HACL2: variants seen among roughly 807,000 people sequenced by gnomAD.
HACL2 encodes 2-hydroxyacyl-CoA lyase 2.
the HACL2 span, among the ~76,000 whole-genome samples, chr19:15,120,271 T>G: frequency 6.6e-6 from 1 of 152,110 alleles, no homozygotes; most frequent in African/African-American, 2.4e-5. Flanking sequence ...TTGCCCTCGG[T>G]AGCCTCTGGG....
chr19:15,119,474 A>G, the HACL2 span: 5 of 1,614,112 alleles, frequency 3.1e-6, no homozygotes, highest in Non-Finnish European at 4.2e-6. Flanking sequence ...GCACCATCAG[A>G]GGCCTCTTGG....
At chr19:15,124,844 A>G in the HACL2 span, 4 of 1,525,402 alleles carry the variant, frequency 2.6e-6, no homozygotes, top group Admixed American at 2.0e-5. Context: ...CACCCTGCAC[A>G]ATGAGTGAGC....
chr19:15,122,464 T>G, the HACL2 span, among the ~76,000 whole-genome samples: 1 of 152,096 alleles, frequency 6.6e-6, no homozygotes, highest in Non-Finnish European at 1.5e-5. The surrounding 1 kb of genome is among the most constrained non-coding windows in gnomAD (Gnocchi z 4.0). Flanking sequence ...AGGGCTGTCC[T>G]GAGCCTCTCC....
chr19:15,115,275 G>A, the HACL2 span: 34 of 1,614,024 alleles, frequency 2.1e-5, no homozygotes, highest in Admixed American at 3.3e-5. Context: ...GAGCCATCGC[G>A]GAAGTCCGTC....
At chr19:15,125,146 G>C in the HACL2 span, 1 of 1,364,344 alleles carries the variant, frequency 7.3e-7, no homozygotes, top group Non-Finnish European at 9.8e-7. Context: ...CCTTCTCGCA[G>C]CAGGATCCAG....
the HACL2 span, among the ~76,000 whole-genome samples, chr19:15,121,966 T>C: frequency 6.7e-6 from 1 of 148,484 alleles, no homozygotes; most frequent in Non-Finnish European, 1.5e-5. Flanking sequence ...AGCACGATCT[T>C]GGCTCACTGC....
the HACL2 span, chr19:15,115,313 G>A: frequency 8.7e-6 from 14 of 1,614,062 alleles, no homozygotes; most frequent in Middle Eastern, 1.6e-4. Context: ...GACCACAACC[G>A]GGTGGCCGTC....
chr19:15,120,851 G>A, the HACL2 span, among the ~76,000 whole-genome samples: 9 of 152,294 alleles, frequency 5.9e-5, no homozygotes, highest in East Asian at 1.9e-4. Context: ...AGGATTGCTC[G>A]AGGCCAGGAG....
the HACL2 span, chr19:15,122,849 C>A: frequency 6.2e-7 from 1 of 1,613,328 alleles, no homozygotes; most frequent in South Asian, 1.1e-5. The surrounding 1 kb of genome is among the most constrained non-coding windows in gnomAD (Gnocchi z 4.0). Context: ...TGTCCCCAGC[C>A]CCTCGGCCCC....
the HACL2 span, chr19:15,124,097 G>C: frequency 6.3e-6 from 1 of 159,056 alleles, no homozygotes; most frequent in African/African-American, 2.4e-5. Context: ...TTAGTTGACA[G>C]GCTGCCAGCC....
chr19:15,122,995 G>A, the HACL2 span: 1 of 1,603,426 alleles, frequency 6.2e-7, no homozygotes, highest in South Asian at 1.1e-5. This position sits in a 1 kb window ranked among gnomAD's most constrained non-coding sequence, Gnocchi z 4.0. Context: ...GCCGGAAAAG[G>A]GACAGCTGAT....
the HACL2 span, chr19:15,115,478 C>A: frequency 6.2e-7 from 1 of 1,603,188 alleles, no homozygotes; most frequent in East Asian, 2.2e-5. Context: ...CAGCCCACCG[C>A]ACATGCAGCC....
chr19:15,122,746 CT>C, the HACL2 span: 8 of 1,614,058 alleles, frequency 5.0e-6, no homozygotes, highest in African/African-American at 1.3e-5. This position sits in a 1 kb window ranked among gnomAD's most constrained non-coding sequence, Gnocchi z 4.0. Flanking sequence ...GCACCATCTC[CT>C]TCTGGACCAT....
chr19:15,118,254 T>A, the HACL2 span, among the ~76,000 whole-genome samples: 26 of 152,058 alleles, frequency 1.7e-4, no homozygotes, highest in Non-Finnish European at 7.4e-5. Flanking sequence ...GGCCATAATA[T>A]CTCCCACCCT....
the HACL2 span, chr19:15,117,713 A>G: frequency 6.5e-6 from 4 of 617,360 alleles, no homozygotes; most frequent in African/African-American, 7.3e-5. Context: ...TAAAGAAAGA[A>G]GCATTCATCA....
the HACL2 span, chr19:15,122,802 G>A: frequency 6.2e-7 from 1 of 1,614,074 alleles, no homozygotes. This position sits in a 1 kb window ranked among gnomAD's most constrained non-coding sequence, Gnocchi z 4.0. Flanking sequence ...ACAAACACCG[G>A]ACCTGCAGGG....
the HACL2 span, chr19:15,123,596 G>A: frequency 4.6e-5 from 74 of 1,601,500 alleles, no homozygotes; most frequent in Non-Finnish European, 6.2e-5. This position sits in a 1 kb window ranked among gnomAD's most constrained non-coding sequence, Gnocchi z 5.1. Context: ...AGGACAGGTG[G>A]AGCAATAAAG....
the HACL2 span, chr19:15,120,192 G>A: frequency 1.7e-3 from 1,122 of 679,412 alleles, 31 homozygotes; most frequent in South Asian, 0.019. Flanking sequence ...AAAGTGGCAT[G>A]GGGACAGGGT....
At chr19:15,121,551 C>T in the HACL2 span, among the ~76,000 whole-genome samples, 4 of 152,012 alleles carry the variant, frequency 2.6e-5, no homozygotes, top group Non-Finnish European at 5.9e-5. Flanking sequence ...CGCAGTGGCT[C>T]ATGTCTGTAA....
Sources: gnomAD v4.1 joint callset for allele counts (sites outside exome capture counted in the v4.1 genomes callset) on GRCh38, gnomAD v4.1.1 for gene constraint, Gnocchi (gnomAD v3.1) non-coding constraint, MANE v1.5 for transcripts, NCBI Gene and HGNC (gene_info 2026-07-23, HGNC 2026-07-21) for gene names.